Variants in HSD17B12 observed in about 807,000 individuals in gnomAD.
The protein encoded by HSD17B12 is hydroxysteroid 17-beta dehydrogenase 12, also known as very-long-chain 3-oxoacyl-CoA reductase.
A neutral mutation model predicts 39.3 loss-of-function variants in HSD17B12; 32 were observed. The ratio of observed to expected loss-of-function variants is 0.81; its 90% confidence interval spans 0.61 to 1.09. HSD17B12 has a LOEUF of 1.09. Ranked by LOEUF, HSD17B12 falls within the 50% of genes least tolerant of loss-of-function variation. The pLI, the probability that HSD17B12 is intolerant of heterozygous loss-of-function variation, is 0.00. For missense variants in HSD17B12, 342 were observed against 382.9 expected, an observed-to-expected ratio of 0.89 and a Z score of 0.89; for synonymous variants, 150 against 146.7, an observed-to-expected ratio of 1.02 and a Z score of -0.16.
At chr11:43,694,436 C>A (rs867956294) in intron 1 of HSD17B12, among the ~76,000 whole-genome samples, 1 of 152,022 alleles carries the variant, frequency 6.6e-6, no homozygotes, top group Non-Finnish European at 1.5e-5. Flanking sequence ...TGTGGTGGCT[C>A]ATGCCTGTAA....
intron 9 of HSD17B12, among the ~76,000 whole-genome samples, chr11:43,841,989 A>G (rs1951431104): frequency 6.6e-6 from 1 of 152,194 alleles, no homozygotes. Context: ...ATTATTTTTA[A>G]TTGCAGAAAT....
chr11:43,653,635 G>A, the HSD17B12 span, among the ~76,000 whole-genome samples: 2 of 152,164 alleles, frequency 1.3e-5, no homozygotes, highest in Non-Finnish European at 2.9e-5. Flanking sequence ...CCACCTATGA[G>A]TGAGAACATG....
At chr11:43,690,377 TATA>T (rs1949844222) in intron 1 of HSD17B12, among the ~76,000 whole-genome samples, 1 of 9,984 alleles carries the variant, frequency 1.0e-4, no homozygotes, top group African/African-American at 4.6e-4. Flanking sequence ...TATATATATA[TATA>T]TATATATATA....
At chr11:43,635,230 T>C in the HSD17B12 span, among the ~76,000 whole-genome samples, 1 of 152,208 alleles carries the variant, frequency 6.6e-6, no homozygotes, top group Admixed American at 6.5e-5. Context: ...AATATTGTAA[T>C]GTTAAAAAAT....
chr11:43,832,985 A>G (rs1484818570), intron 7 of HSD17B12: 1 of 151,224 alleles, frequency 6.6e-6, no homozygotes, highest in Admixed American at 6.7e-5. Flanking sequence ...GTGAGCCAAG[A>G]TAGTGCCACT....
intron 1 of HSD17B12, among the ~76,000 whole-genome samples, chr11:43,736,044 A>T (rs1950313431): frequency 6.6e-6 from 1 of 152,222 alleles, no homozygotes. Flanking sequence ...GAATCAGATC[A>T]CACTGAGGCA....
At chr11:43,631,965 TG>T in the HSD17B12 span, among the ~76,000 whole-genome samples, 2 of 152,164 alleles carry the variant, frequency 1.3e-5, no homozygotes, top group Non-Finnish European at 2.9e-5. Flanking sequence ...GAGAGGGCTC[TG>T]GGGGCAGCTG....
At chr11:43,775,571 G>T (rs543763475) in intron 3 of HSD17B12, among the ~76,000 whole-genome samples, 1 of 151,006 alleles carries the variant, frequency 6.6e-6, no homozygotes, top group Non-Finnish European at 1.5e-5. Flanking sequence ...ACTTTTATTT[G>T]CAACTCAAAT....
chr11:43,567,634 T>C, the HSD17B12 span, among the ~76,000 whole-genome samples: 15 of 152,174 alleles, frequency 9.9e-5, 1 homozygote, highest in African/African-American at 3.4e-4. Context: ...GCCTTGTGGG[T>C]ATCAAGTTAA....
the HSD17B12 span, among the ~76,000 whole-genome samples, chr11:43,608,853 A>G: frequency 6.6e-6 from 1 of 152,198 alleles, no homozygotes; most frequent in African/African-American, 2.4e-5. Flanking sequence ...AATGGGAATA[A>G]TAGTATCTCC....
the HSD17B12 span, among the ~76,000 whole-genome samples, chr11:43,568,661 G>A: frequency 6.6e-6 from 1 of 152,220 alleles, no homozygotes; most frequent in Non-Finnish European, 1.5e-5. Context: ...GGGAACTTAA[G>A]ATACTGAGTG....
chr11:43,807,280 T>A (rs890956624), intron 4 of HSD17B12, among the ~76,000 whole-genome samples: 2 of 152,122 alleles, frequency 1.3e-5, no homozygotes. Context: ...AAGCTAAGGG[T>A]GTCACAGATA....
chr11:43,734,185 G>GA (rs1950295070), intron 1 of HSD17B12: 14 of 1,572,226 alleles, frequency 8.9e-6, no homozygotes, highest in Non-Finnish European at 1.1e-5. Context: ...AGAGAGAGCT[G>GA]GTCTCCAGGC....
the HSD17B12 span, among the ~76,000 whole-genome samples, chr11:43,611,706 A>T: frequency 6.6e-6 from 1 of 152,200 alleles, no homozygotes; most frequent in Non-Finnish European, 1.5e-5. Flanking sequence ...TGTTGTCAAG[A>T]TGCCTCTAAA....
intron 1 of HSD17B12, among the ~76,000 whole-genome samples, chr11:43,682,876 C>T (rs943289724): frequency 7.9e-5 from 12 of 151,584 alleles, no homozygotes; most frequent in African/African-American, 2.7e-4. Context: ...ACTGCAGCCT[C>T]GAACTCTTGG....
the HSD17B12 span, among the ~76,000 whole-genome samples, chr11:43,567,239 C>G: frequency 6.6e-6 from 1 of 152,168 alleles, no homozygotes; most frequent in Non-Finnish European, 1.5e-5. Context: ...GACTGGAAAG[C>G]TAGAACACAT....
chr11:43,769,971 C>T (rs1438137570), intron 3 of HSD17B12, among the ~76,000 whole-genome samples: 1 of 152,224 alleles, frequency 6.6e-6, no homozygotes, highest in East Asian at 1.9e-4. Context: ...ATCCTTATTG[C>T]TTCCTTCCAA....
At chr11:43,654,576 G>T in the HSD17B12 span, among the ~76,000 whole-genome samples, 2 of 152,032 alleles carry the variant, frequency 1.3e-5, no homozygotes, top group African/African-American at 4.8e-5. Flanking sequence ...TTTTGTATAA[G>T]ATGTAAGGAA....
chr11:43,705,155 CTT>C (rs750607287), intron 1 of HSD17B12, among the ~76,000 whole-genome samples: 5 of 152,086 alleles, frequency 3.3e-5, no homozygotes, highest in Non-Finnish European at 7.4e-5. Flanking sequence ...AAGGAAAAGA[CTT>C]TTGTATGGGA....
Sources: gnomAD v4.1 joint callset for allele counts (sites outside exome capture counted in the v4.1 genomes callset) on GRCh38, gnomAD v4.1.1 for gene constraint, MANE v1.5 for transcripts, NCBI Gene and HGNC (gene_info 2026-07-23, HGNC 2026-07-21) for gene names.